Variants in LSAMP observed in about 807,000 individuals in gnomAD.
LSAMP encodes limbic system-associated membrane protein.
A neutral mutation model predicts 38.6 loss-of-function variants in LSAMP; 7 were observed. The ratio of observed to expected loss-of-function variants is 0.18; its 90% confidence interval spans 0.10 to 0.34. The LOEUF (loss-of-function observed/expected upper bound fraction) is 0.34. Among genes scored for constraint, LSAMP ranks in the 10% least tolerant of loss-of-function variants. The pLI is 1.00. For synonymous variants in LSAMP, 154 were observed against 166.8 expected, an observed-to-expected ratio of 0.92 and a Z score of 0.59; for missense variants, 313 against 420.0, an observed-to-expected ratio of 0.75 and a Z score of 2.23.
At chr3:116,273,244 C>A (rs1226393553) in intron 1 of LSAMP, among the ~76,000 whole-genome samples, 1 of 152,166 alleles carries the variant, frequency 6.6e-6, no homozygotes, top group South Asian at 2.1e-4. Context: ...AGAACCCCCA[C>A]GGTTTCCCAT....
chr3:116,107,622 T>A (rs1366550832), intron 1 of LSAMP, among the ~76,000 whole-genome samples: 1 of 152,122 alleles, frequency 6.6e-6, no homozygotes, highest in Admixed American at 6.5e-5. Context: ...TATGCCGAGA[T>A]ATGTAACAGA....
At chr3:115,997,172 T>C (rs1009127512) in intron 3 of LSAMP, among the ~76,000 whole-genome samples, 3 of 152,190 alleles carry the variant, frequency 2.0e-5, no homozygotes, top group African/African-American at 7.2e-5. Context: ...ATTTAAATAA[T>C]ATATAGTAGA....
At chr3:116,264,001 G>A (rs957230594) in intron 1 of LSAMP, among the ~76,000 whole-genome samples, 11 of 152,190 alleles carry the variant, frequency 7.2e-5, no homozygotes, top group African/African-American at 2.2e-4. Flanking sequence ...GTCTGAAAGT[G>A]ATATTGTGCT....
intron 2 of LSAMP, among the ~76,000 whole-genome samples, chr3:116,019,972 ATAT>A (rs1278260823): frequency 6.6e-6 from 1 of 152,178 alleles, no homozygotes; most frequent in East Asian, 1.9e-4. Context: ...ATGTAAATTA[ATAT>A]TATCATTGTT....
intron 1 of LSAMP, among the ~76,000 whole-genome samples, chr3:116,442,719 T>C (rs895436863): frequency 1.3e-5 from 2 of 152,240 alleles, no homozygotes; most frequent in Admixed American, 6.5e-5. Flanking sequence ...AGGCGACTTA[T>C]TTGCATGCTC....
chr3:115,924,459 T>C (rs1937453990), intron 3 of LSAMP, among the ~76,000 whole-genome samples: 1 of 152,192 alleles, frequency 6.6e-6, no homozygotes, highest in Non-Finnish European at 1.5e-5. Context: ...ACAGAGAGAA[T>C]GTTTGATTGG....
intron 1 of LSAMP, among the ~76,000 whole-genome samples, chr3:116,136,438 A>T (rs1709249674): frequency 6.6e-6 from 1 of 152,158 alleles, no homozygotes; most frequent in Non-Finnish European, 1.5e-5. Flanking sequence ...AACTCTAATG[A>T]CTTCAAAGTC....
chr3:116,281,681 C>G (rs918724633), intron 1 of LSAMP, among the ~76,000 whole-genome samples: 1 of 152,188 alleles, frequency 6.6e-6, no homozygotes, highest in Non-Finnish European at 1.5e-5. Flanking sequence ...GAGCCCATCT[C>G]TTCATGTTAA....
At chr3:116,390,223 G>A (rs1026047691) in intron 1 of LSAMP, among the ~76,000 whole-genome samples, 4 of 151,904 alleles carry the variant, frequency 2.6e-5, no homozygotes, top group African/African-American at 9.7e-5. Context: ...ATGCTTTGAA[G>A]GATCTAGGAT....
intron 1 of LSAMP, among the ~76,000 whole-genome samples, chr3:116,134,206 T>G (rs1256329540): frequency 6.6e-6 from 1 of 152,208 alleles, no homozygotes; most frequent in Non-Finnish European, 1.5e-5. Context: ...AAAATTCTCT[T>G]TGTGAAATTA....
chr3:116,178,836 T>C (rs1340274038), intron 1 of LSAMP, among the ~76,000 whole-genome samples: 1 of 152,210 alleles, frequency 6.6e-6, no homozygotes, highest in Non-Finnish European at 1.5e-5. Flanking sequence ...AAGTTCTATC[T>C]TGATAAAACT....
At chr3:116,201,016 G>C (rs2045980996) in intron 1 of LSAMP, among the ~76,000 whole-genome samples, 1 of 152,198 alleles carries the variant, frequency 6.6e-6, no homozygotes. Flanking sequence ...GATGCAAAAA[G>C]GAGATTAACA....
chr3:116,341,843 G>A (rs141401663), intron 1 of LSAMP, among the ~76,000 whole-genome samples: 105 of 152,018 alleles, frequency 6.9e-4, no homozygotes, highest in African/African-American at 2.3e-3. Context: ...GACTCAGTAC[G>A]GAGAATAGCA....
intron 2 of LSAMP, among the ~76,000 whole-genome samples, chr3:116,037,474 G>C (rs549791673): frequency 6.6e-6 from 1 of 152,044 alleles, no homozygotes; most frequent in East Asian, 1.9e-4. Context: ...TCTCAGTAGG[G>C]CTCCTTCATG....
Position 115,860,057 on chromosome 3 carries a change from T to TACA in LSAMP, c.515-7441_515-7440insTGT, listed in dbSNP as rs1381437494. Among the ~76,000 whole-genome samples, 4 of 152,242 alleles carry TACA rather than the reference T, an allele frequency of 2.6e-5. No individual in the cohort carries two copies. The East Asian group carries it at 7.7e-4, about 29-fold the overall frequency. Reference sequence around the variant, plus strand: ...CTGTAAAAACCACATTTGGTTTTGATCATCACTGTATCCCTTCCCTAGTGT... The same window carrying TACA: ...CTGTAAAAACCACATTTGGTTTTGATACACATCACTGTATCCCTTCCCTAGTGT... On this transcript the variant is annotated intron_variant, in intron 3 of 6. Transcript: ENST00000490035.
At position 116,445,431 on chromosome 3, in the gene LSAMP, C is replaced by A; in HGVS notation, c.-400G>T. ...CCACTTTCCCAGGCTGGCGGGCGGG[C>A]GGGCGAGGGAGCCGGCACCAAGCCT... On this transcript the variant is annotated 5_prime_UTR_variant, in exon 1 of 7. Coordinates refer to ENST00000490035, the MANE Select transcript of LSAMP (RefSeq NM_002338.5). The A allele has an allele frequency of 4.6e-6, 1 of 217,886 alleles. No homozygotes were observed. The highest frequency in any genetic ancestry group is 1.1e-4 in the East Asian group (1 of 8,754). 13.5% of individuals were successfully genotyped at this position (217,886 alleles called of 1,614,324 possible).
chr3:116,056,725 C>T (rs993294288), intron 2 of LSAMP, among the ~76,000 whole-genome samples: 1 of 152,046 alleles, frequency 6.6e-6, no homozygotes, highest in African/African-American at 2.4e-5. Flanking sequence ...TTCTTCATCC[C>T]CCAGAGATAC....
chr3:115,855,615 C>T (rs951076138), intron 3 of LSAMP, among the ~76,000 whole-genome samples: 17 of 152,164 alleles, frequency 1.1e-4, no homozygotes, highest in Admixed American at 7.9e-4. Context: ...AACCAACTAT[C>T]GGCAGGGGAA....
chr3:116,008,099 G>A (rs773556263), intron 3 of LSAMP, among the ~76,000 whole-genome samples: 2 of 152,164 alleles, frequency 1.3e-5, no homozygotes, highest in African/African-American at 4.8e-5. Flanking sequence ...TGTAATTTAA[G>A]TCTTTATTGT....
Sources: gnomAD v4.1 joint callset for allele counts (sites outside exome capture counted in the v4.1 genomes callset) on GRCh38, gnomAD v4.1.1 for gene constraint, MANE v1.5 for transcripts, NCBI Gene and HGNC (gene_info 2026-07-23, HGNC 2026-07-21) for gene names.